PALM2AKAP2: variants seen among roughly 807,000 people sequenced by gnomAD.
PALM2AKAP2 encodes the protein PALM2-AKAP2 fusion protein.
In PALM2AKAP2, 37 loss-of-function variants were observed where a neutral mutation model predicts 71.5. The observed-to-expected ratio is 0.52, with a 90% CI of 0.40 to 0.68. PALM2AKAP2 has a LOEUF of 0.68. Among genes scored for constraint, PALM2AKAP2 ranks in the 30% least tolerant of loss-of-function variants. The probability of loss-of-function intolerance (pLI) is 0.00; values close to 1 mark genes in which losing one functional copy is unlikely to be tolerated. For synonymous variants in PALM2AKAP2, 468 were observed against 478.8 expected, an observed-to-expected ratio of 0.98 and a Z score of 0.29; for missense variants, 1,224 against 1,191.8, an observed-to-expected ratio of 1.03 and a Z score of -0.40.
At chr9:110,151,668 A>G (rs1381766245) in intron 2 of PALM2AKAP2, among the ~76,000 whole-genome samples, 1 of 152,242 alleles carries the variant, frequency 6.6e-6, no homozygotes, top group East Asian at 1.9e-4. Context: ...AACTCCTTCA[A>G]AGGCTTAAGT....
intron 1 of PALM2AKAP2, among the ~76,000 whole-genome samples, chr9:109,844,958 T>TGTGTGTGTGTGTGTGTGC (rs1361967426): frequency 1.3e-5 from 2 of 148,918 alleles, no homozygotes; most frequent in East Asian, 1.9e-4. Flanking sequence ...TGTGTGTGTG[T>TGTGTGTGTGTGTGTGTGC]GCATGTGCAC....
rs563717478 is a variant in PALM2AKAP2, at chr9:109,854,209, C to G, written c.46-13282C>G. On this transcript the variant is annotated intron_variant, in intron 1 of 9. Transcript: ENST00000302798. ...GCCACTTCCCTGTCCCTGGGGGCATCGTCTTAGACTTTGGTCACCACCAAA... is the reference window on the plus strand; with the variant it reads ...GCCACTTCCCTGTCCCTGGGGGCATGGTCTTAGACTTTGGTCACCACCAAA... Among the ~76,000 whole-genome samples the G allele has an allele frequency of 6.6e-5, 10 of 152,320 alleles. No individual in the cohort carries two copies. The East Asian group carries it at 1.7e-3, about 26-fold the overall frequency.
chr9:110,001,982 T>C (rs1832690047), intron 6 of PALM2AKAP2, among the ~76,000 whole-genome samples: 1 of 152,216 alleles, frequency 6.6e-6, no homozygotes, highest in African/African-American at 2.4e-5. Context: ...TGACTTCCTC[T>C]TTTCCTAATT....
intron 2 of PALM2AKAP2, among the ~76,000 whole-genome samples, chr9:109,870,707 G>A (rs891505080): frequency 6.6e-6 from 1 of 152,166 alleles, no homozygotes; most frequent in African/African-American, 2.4e-5. Context: ...CGTTCTCTTT[G>A]AAAGAAATGT....
chr9:109,978,155 G>C (rs1588041796), intron 6 of PALM2AKAP2, among the ~76,000 whole-genome samples: 1 of 152,260 alleles, frequency 6.6e-6, no homozygotes, highest in Middle Eastern at 3.4e-3. Flanking sequence ...TCAGGACCAG[G>C]TGCTGAGGTG....
chr9:110,024,201 A>C (rs1428700428), intron 7 of PALM2AKAP2, among the ~76,000 whole-genome samples: 1 of 152,194 alleles, frequency 6.6e-6, no homozygotes, highest in African/African-American at 2.4e-5. Flanking sequence ...CACACAATCC[A>C]GTTTTAGAAC....
exon 2 of PALM2AKAP2, chr9:110,137,420 G>A (rs367729276): frequency 4.2e-5 from 67 of 1,614,032 alleles, no homozygotes; most frequent in Admixed American, 1.7e-4. Context: ...GAAATCCCCC[G>A]GTGCCCTGGA....
At chr9:109,960,106 A>C (rs1023204921) in intron 6 of PALM2AKAP2, among the ~76,000 whole-genome samples, 1 of 152,164 alleles carries the variant, frequency 6.6e-6, no homozygotes, top group African/African-American at 2.4e-5. Context: ...TTTTTAATTA[A>C]GGATCCCACC....
chr9:110,034,319 C>T (rs1476218097), intron 7 of PALM2AKAP2, among the ~76,000 whole-genome samples: 13 of 152,074 alleles, frequency 8.5e-5, no homozygotes, highest in Admixed American at 2.6e-4. Flanking sequence ...CCACCACGCC[C>T]GGCTAATTTT....
chr9:110,074,083 C>T (rs763113960), intron 1 of PALM2AKAP2, among the ~76,000 whole-genome samples: 1 of 152,196 alleles, frequency 6.6e-6, no homozygotes, highest in Non-Finnish European at 1.5e-5. Flanking sequence ...CACAGCATCG[C>T]TTCTGTGATA....
chr9:109,673,008 G>A (rs1827597810), intron 1 of PALM2AKAP2, among the ~76,000 whole-genome samples: 3 of 151,808 alleles, frequency 2.0e-5, no homozygotes, highest in Admixed American at 2.0e-4. Context: ...TATTAGTCTA[G>A]CTAGCAGTCT....
At chr9:110,129,730 G>A (rs187153874) in intron 1 of PALM2AKAP2, among the ~76,000 whole-genome samples, 62 of 152,360 alleles carry the variant, frequency 4.1e-4, no homozygotes, top group Admixed American at 1.8e-3. Flanking sequence ...TACTTGGCTA[G>A]TTGAGTTGTG....
intron 1 of PALM2AKAP2, among the ~76,000 whole-genome samples, chr9:109,699,211 G>A (rs1828017194): frequency 6.6e-6 from 1 of 152,116 alleles, no homozygotes; most frequent in African/African-American, 2.4e-5. Context: ...CCACTGAACT[G>A]GCAAAATGTT....
intron 1 of PALM2AKAP2, among the ~76,000 whole-genome samples, chr9:110,106,771 C>G (rs977301125): frequency 6.6e-6 from 1 of 152,172 alleles, no homozygotes; most frequent in Admixed American, 6.5e-5. Flanking sequence ...CATTTAAATC[C>G]GTCAACAGTC....
chr9:109,801,706 ATATG>A (rs922911190), intron 1 of PALM2AKAP2, among the ~76,000 whole-genome samples: 6 of 147,910 alleles, frequency 4.1e-5, no homozygotes, highest in Non-Finnish European at 7.4e-5. Flanking sequence ...CCAGGTGTTG[ATATG>A]TGTGTGTGTG....
intron 6 of PALM2AKAP2, among the ~76,000 whole-genome samples, chr9:109,971,062 C>A (rs2132153660): frequency 6.6e-6 from 1 of 152,278 alleles, no homozygotes; most frequent in Middle Eastern, 3.4e-3. Flanking sequence ...CACTACACTG[C>A]AGCCTGGGCA....
At chr9:110,147,591 T>C (rs1170653216) in intron 2 of PALM2AKAP2, among the ~76,000 whole-genome samples, 2 of 152,242 alleles carry the variant, frequency 1.3e-5, no homozygotes, top group Non-Finnish European at 2.9e-5. Context: ...ACCTGGGCAA[T>C]ATAGTGAGAC....
At chr9:109,735,235 G>A (rs1294589801) in intron 1 of PALM2AKAP2, among the ~76,000 whole-genome samples, 2 of 149,840 alleles carry the variant, frequency 1.3e-5, no homozygotes, top group Non-Finnish European at 3.0e-5. Flanking sequence ...CTCCTTTGTA[G>A]CTCAAGCTGG....
intron 1 of PALM2AKAP2, among the ~76,000 whole-genome samples, chr9:109,856,971 C>T (rs1364775283): frequency 2.6e-5 from 4 of 152,104 alleles, no homozygotes. Context: ...TCAGTTGTGC[C>T]CCATCCCCTC....
Sources: gnomAD v4.1 joint callset for allele counts (sites outside exome capture counted in the v4.1 genomes callset) on GRCh38, gnomAD v4.1.1 for gene constraint, MANE v1.5 for transcripts, NCBI Gene and HGNC (gene_info 2026-07-23, HGNC 2026-07-21) for gene names.